Variants in CNTN3 observed in about 807,000 individuals in gnomAD.
CNTN3 encodes the protein contactin-3.
A neutral mutation model predicts 119.1 loss-of-function variants in CNTN3; 60 were observed. That is an observed-to-expected ratio of 0.50 (90% confidence interval 0.41 to 0.62). The LOEUF is 0.62. Among genes scored for constraint, CNTN3 ranks in the 20% least tolerant of loss-of-function variants. CNTN3 has a pLI of 0.00. For missense variants in CNTN3, 1,101 were observed against 1,242.4 expected, an observed-to-expected ratio of 0.89 and a Z score of 1.71; for synonymous variants, 450 against 438.7, an observed-to-expected ratio of 1.03 and a Z score of -0.32.
At chr3:74,419,790 T>C (rs959780983) in intron 5 of CNTN3, among the ~76,000 whole-genome samples, 1 of 152,208 alleles carries the variant, frequency 6.6e-6, no homozygotes, top group Admixed American at 6.5e-5. Flanking sequence ...ATGTAATAAC[T>C]TGATTAACCT....
At chr3:74,557,880 T>C (rs1164455052) in intron 1 of CNTN3, among the ~76,000 whole-genome samples, 2 of 152,076 alleles carry the variant, frequency 1.3e-5, no homozygotes, top group African/African-American at 4.8e-5. Context: ...TTTTTCCAGG[T>C]AGAGAAACCA....
At chr3:74,598,624 A>G (rs1704852195) in intron 1 of CNTN3, among the ~76,000 whole-genome samples, 2 of 152,100 alleles carry the variant, frequency 1.3e-5, no homozygotes, top group Non-Finnish European at 2.9e-5. Context: ...TTATAGTGAA[A>G]GTTACTGTGT....
chr3:74,561,174 A>G (rs1704147709), intron 1 of CNTN3, among the ~76,000 whole-genome samples: 1 of 149,532 alleles, frequency 6.7e-6, no homozygotes, highest in African/African-American at 2.5e-5. Flanking sequence ...TTAAAGCATA[A>G]TAAAAAAAAA....
chr3:74,533,557 C>G (rs1485925222), intron 1 of CNTN3, among the ~76,000 whole-genome samples: 1 of 151,934 alleles, frequency 6.6e-6, no homozygotes, highest in Non-Finnish European at 1.5e-5. Flanking sequence ...CCACCACCCC[C>G]ATGTTACAGA....
At chr3:74,381,165 T>C (rs1211016561) in intron 5 of CNTN3, among the ~76,000 whole-genome samples, 1 of 150,764 alleles carries the variant, frequency 6.6e-6, no homozygotes, top group Non-Finnish European at 1.5e-5. Flanking sequence ...AAACTATTCA[T>C]CAGAGTTAAA....
At chr3:74,498,823 T>C (rs954268421) in intron 3 of CNTN3, among the ~76,000 whole-genome samples, 2 of 151,892 alleles carry the variant, frequency 1.3e-5, no homozygotes, top group African/African-American at 4.8e-5. Flanking sequence ...TCACATTGCA[T>C]GAAAGAGCGT....
At chr3:74,506,342 T>C (rs1349885386) in intron 2 of CNTN3, among the ~76,000 whole-genome samples, 5 of 152,182 alleles carry the variant, frequency 3.3e-5, no homozygotes, top group Non-Finnish European at 7.3e-5. Context: ...TGATACTGTT[T>C]AACTCCAATG....
rs78968987 is a variant in CNTN3, at chr3:74,446,727, T to C, written c.359-21787A>G. On this transcript the variant is annotated intron_variant, in intron 4 of 22. Coordinates refer to ENST00000263665, the MANE Select transcript of CNTN3 (RefSeq NM_020872.3). ...TTTTGAATGTGACTACTGGAAAATT[T>C]CAAGTTACATATGTGGCCCCACATT... 2.6e-3 allele frequency among the ~76,000 whole-genome samples: 383 copies of C among 148,490 alleles called. 4 individuals are homozygous for C. Among genetic ancestry groups the C allele is most frequent in the African/African-American group, 9.3e-3 (370 of 39,950 alleles).
chr3:74,465,065 C>T (rs8179935), intron 4 of CNTN3, among the ~76,000 whole-genome samples: 107,572 of 151,546 alleles, frequency 0.71, 38,528 homozygotes, highest in African/African-American at 0.8. Context: ...ATGTACCTTG[C>T]TTTAATATTT....
At chr3:74,466,550 T>C (rs1702464077) in intron 4 of CNTN3, among the ~76,000 whole-genome samples, 1 of 152,156 alleles carries the variant, frequency 6.6e-6, no homozygotes, top group African/African-American at 2.4e-5. Context: ...GTCTTCTCAT[T>C]AATACCTATT....
chr3:74,384,971 C>T (rs1359090681), intron 5 of CNTN3, among the ~76,000 whole-genome samples: 1 of 152,256 alleles, frequency 6.6e-6, no homozygotes, highest in East Asian at 1.9e-4. Context: ...CTGGCATGTA[C>T]TGAAGGGCCT....
At chr3:74,293,257 C>T (rs1254175295) in intron 19 of CNTN3, among the ~76,000 whole-genome samples, 1 of 152,164 alleles carries the variant, frequency 6.6e-6, no homozygotes, top group East Asian at 1.9e-4. Context: ...ACAGCCCATA[C>T]TTTGAGCATC....
chr3:74,544,349 G>C (rs572050889), intron 1 of CNTN3, among the ~76,000 whole-genome samples: 1 of 152,150 alleles, frequency 6.6e-6, no homozygotes, highest in Non-Finnish European at 1.5e-5. Flanking sequence ...TCATATTGTT[G>C]AACTCTTCAC....
chr3:74,509,369 A>G (rs919818289), intron 2 of CNTN3, among the ~76,000 whole-genome samples: 2 of 145,164 alleles, frequency 1.4e-5, no homozygotes, highest in Non-Finnish European at 3.0e-5. Flanking sequence ...GCTGGAGTGC[A>G]GTGATGCAAC....
intron 5 of CNTN3, among the ~76,000 whole-genome samples, chr3:74,423,549 C>T (rs546119017): frequency 3.3e-5 from 5 of 152,284 alleles, no homozygotes; most frequent in East Asian, 3.9e-4. Flanking sequence ...TGTATCTCTT[C>T]GTAAAACCTC....
In CNTN3 at chr3:74,312,455, C is replaced by CAAAAAA. The variant is rs745514119; in HGVS notation, c.1669-9654_1669-9649dup. Among the ~76,000 whole-genome samples the CAAAAAA allele has an allele frequency of 3.7e-3, 104 of 27,802 alleles. 16 individuals are homozygous for CAAAAAA. The highest frequency in any genetic ancestry group is 0.011 in the African/African-American group (83 of 7,824). The allele number at this position is 27,802 out of a possible 152,430, so 18.2% of individuals were successfully genotyped here. ...TGGGTGACAGAGTGAGACTCCATCT[C>CAAAAAA]AAAAAAAAAAAAAAAAAAAAAAAAA... On this transcript the variant is annotated intron_variant, in intron 13 of 22. Transcript: ENST00000263665.
chr3:74,446,188 A>C (rs1702045300), intron 4 of CNTN3, among the ~76,000 whole-genome samples: 1 of 152,140 alleles, frequency 6.6e-6, no homozygotes, highest in Admixed American at 6.5e-5. Flanking sequence ...CAGTTTCCTC[A>C]TATGTAAGAT....
chr3:74,321,295 A>G (rs1702982185), intron 13 of CNTN3, among the ~76,000 whole-genome samples: 1 of 152,160 alleles, frequency 6.6e-6, no homozygotes, highest in Non-Finnish European at 1.5e-5. Flanking sequence ...ACAAAAATAA[A>G]ATTTGTATAT....
intron 11 of CNTN3, among the ~76,000 whole-genome samples, chr3:74,346,816 CCATGAAGGGCTT>C (rs1703702059): frequency 6.6e-6 from 1 of 151,968 alleles, no homozygotes; most frequent in African/African-American, 2.4e-5. Context: ...TGACCTGTTT[CCATGAAGGGCTT>C]CAGGGAGGGG....
Sources: gnomAD v4.1 joint callset for allele counts (sites outside exome capture counted in the v4.1 genomes callset) on GRCh38, gnomAD v4.1.1 for gene constraint, MANE v1.5 for transcripts, NCBI Gene and HGNC (gene_info 2026-07-23, HGNC 2026-07-21) for gene names.